CILP: variants seen among roughly 807,000 people sequenced by gnomAD.
The protein encoded by CILP is cartilage intermediate layer protein.
In CILP, 75 loss-of-function variants were observed where a neutral mutation model predicts 82.5. The observed-to-expected ratio is 0.91, with a 90% CI of 0.75 to 1.10. The LOEUF is 1.10. CILP is among the 50% of genes least tolerant of loss of function. The pLI is 0.00. For missense variants in CILP, 1,479 were observed against 1,530.8 expected, an observed-to-expected ratio of 0.97 and a Z score of 0.56; for synonymous variants, 530 against 580.3, an observed-to-expected ratio of 0.91 and a Z score of 1.25.
rs2859655 is a variant in CILP, at chr15:65,204,594, G to T, written c.605-12C>A. 3.2e-6 allele frequency: 5 copies of T among 1,583,698 alleles called. No individual in the cohort carries two copies. In the African/African-American group the frequency reaches 5.5e-5, roughly 17 times the overall value. ...GGTCAGGTCACAGGCTGTGGAACAA[G>T]GGGCCATATCAGCAGGGATTCTATG... On this transcript the variant is annotated splice_polypyrimidine_tract_variant and intron_variant, in intron 5 of 8. Transcript: ENST00000261883.
chr15:65,207,097 C>A (rs1156917098), intron 3 of CILP, 46 bp from the exon 4 acceptor site: 1 of 1,577,196 alleles, frequency 6.3e-7, no homozygotes, highest in South Asian at 1.2e-5. Flanking sequence ...TCCTGGTGCG[C>A]TCCAGTTCTC....
Position 65,201,929 on chromosome 15 carries a change from T to C in CILP, c.1129A>G (p.Lys377Glu). The part of the protein sequence containing the change: ...QQHQAGEYFC[K>E]AQSDAGAVKS... Reference sequence around the variant, plus strand: ...ACAGCCCCAGCATCACTCTGGGCCTTGCAAAAGTACTCCCCAGCCTGGTGC... The same window carrying C: ...ACAGCCCCAGCATCACTCTGGGCCTCGCAAAAGTACTCCCCAGCCTGGTGC... The change falls in exon 8 of 9, where the codon AAG (lysine) becomes GAG (glutamate). Residue 377 changes from lysine (K) to glutamate (E), a missense_variant. Lys to Glu is a moderately conservative substitution (Grantham distance 56). Coordinates refer to ENST00000261883, the MANE Select transcript of CILP (RefSeq NM_003613.4). 1 of 1,609,528 alleles carries C rather than the reference T, an allele frequency of 6.2e-7. No individual in the cohort carries two copies. Among genetic ancestry groups the C allele is most frequent in the Non-Finnish European group, 8.5e-7 (1 of 1,178,268 alleles).
chr15:65,209,826 A>G lies in CILP; in HGVS notation c.-71T>C. 1 of 1,389,130 alleles carries G rather than the reference A, an allele frequency of 7.2e-7. No individual in the cohort carries two copies. Among genetic ancestry groups the G allele is most frequent in the Non-Finnish European group, 1.0e-6 (1 of 978,272 alleles). The allele number at this position is 1,389,130 out of a possible 1,614,324, so 86.1% of individuals were successfully genotyped here. ...GCTTCACAGAGTCACTGACTCTGGA[A>G]TGCGGTCCCCTGGGAAGTTTCTCAG... On this transcript the variant is annotated 5_prime_UTR_variant, in exon 2 of 9. Transcript: ENST00000261883.
At position 65,204,308 on chromosome 15, in the gene CILP, G is replaced by A; in HGVS notation, c.879C>T (p.Ser293=). 6.2e-7 allele frequency: 1 copy of A among 1,614,082 alleles called. No homozygotes were observed. Residue 293 remains serine, a synonymous_variant, in exon 6 of 9, where the codon AGC becomes AGT. Transcript: ENST00000261883. ...CTGCCTTGATGGTGGCTGCCTTCAG[G>A]CTAGTCTTGGGCATTGTGAGTACAA... is the stretch of plus-strand genomic sequence containing the variant. ...APIVLTMPKT[S]LKAATIKAEF...
chr15:65,199,502 C>A (rs2140673564), intron 8 of CILP, among the ~76,000 whole-genome samples: 1 of 152,312 alleles, frequency 6.6e-6, no homozygotes, highest in South Asian at 2.1e-4. Context: ...ACCACTCATT[C>A]ATGTAGGTAG....
At position 65,204,327 on chromosome 15, in the gene CILP, A is replaced by G. The variant is rs1367217239; in HGVS notation, c.860T>C (p.Leu287Pro). ...ITKVKFAPIVLTMPKTSLKAA... is the reference protein window; with the variant it reads ...ITKVKFAPIVPTMPKTSLKAA... ...CTTCAGGCTAGTCTTGGGCATTGTG[A>G]GTACAATGGGGGCAAACTTGACCTT... The change falls in exon 6 of 9, where the codon CTC becomes CCC. Residue 287 changes from leucine (L) to proline (P), a missense_variant. By Grantham distance (98) the Leu-to-Pro change is moderately conservative. Coordinates refer to ENST00000261883, the MANE Select transcript of CILP (RefSeq NM_003613.4). 1 of 1,614,034 alleles carries G rather than the reference A, an allele frequency of 6.2e-7. No homozygotes were observed. The highest frequency in any genetic ancestry group is 2.2e-5 in the East Asian group (1 of 44,898).
At chr15:65,201,747 A>AT in intron 8 of CILP, 125 bp downstream of exon 8, 9 of 385,640 alleles carry the variant, frequency 2.3e-5, no homozygotes, top group East Asian at 5.6e-5. Flanking sequence ...AAAAAAAAAA[A>AT]AAAGAAAGAA....
chr15:65,204,251 C>A lies in CILP; in HGVS notation c.919+17G>T, dbSNP rs2088491586. The A allele has an allele frequency of 6.2e-7, 1 of 1,609,264 alleles. No homozygotes were observed. Among genetic ancestry groups the A allele is most frequent in the Admixed American group, 1.7e-5 (1 of 58,618 alleles). On this transcript the variant is annotated intron_variant, in intron 6 of 8. Coordinates refer to ENST00000261883, the MANE Select transcript of CILP (RefSeq NM_003613.4). ...TCTGGACCTTCTCACCAGCCCTACC[C>A]CAAAGAATTTAGTTACCTGCCCTCA... is the stretch of plus-strand genomic sequence containing the variant.
Position 65,206,959 on chromosome 15 carries a change from C to T in CILP, c.247G>A (p.Asp83Asn), listed in dbSNP as rs778069071. Reference protein sequence around the residue: ...RLDAIRFYYGDRVCARPLRLE... With the variant: ...RLDAIRFYYGNRVCARPLRLE... The stretch of plus-strand genomic sequence containing the variant: ...CGCAGGGGACGGGCACATACACGGT[C>T]CCCATAGTAGAAGCGAATGGCGTCC... Residue 83 changes from aspartate (D) to asparagine (N), a missense_variant, in exon 4 of 9, where the codon GAC becomes AAC. Transcript: ENST00000261883. 3.1e-6 allele frequency: 5 copies of T among 1,614,070 alleles called. No individual in the cohort carries two copies. Among genetic ancestry groups the T allele is most frequent in the South Asian group, 2.2e-5 (2 of 91,078 alleles).
In CILP at chr15:65,203,343, T is replaced by G. The variant is rs777195703; in HGVS notation, c.1028+19A>C. 1.9e-6 allele frequency: 3 copies of G among 1,562,192 alleles called. No homozygotes were observed. The highest frequency in any genetic ancestry group is 2.6e-6 in the Non-Finnish European group (3 of 1,133,244). ...TTTCCAGGAGGAGAATTGGGCAGGG[T>G]AGCTAGCAGAATACGCACCAAAAAT... On this transcript the variant is annotated intron_variant, in intron 7 of 8. Coordinates refer to ENST00000261883, the MANE Select transcript of CILP (RefSeq NM_003613.4).
chr15:65,198,285 C>G lies in CILP; in HGVS notation c.2001G>C (p.Glu667Asp). The G allele has an allele frequency of 6.2e-7, 1 of 1,614,218 alleles. No individual in the cohort carries two copies. The highest frequency in any genetic ancestry group is 1.1e-5 in the South Asian group (1 of 91,078). Residue 667 changes from glutamate (E) to aspartate (D), a missense_variant, in exon 9 of 9, where the codon GAG becomes GAC. Coordinates refer to ENST00000261883, the MANE Select transcript of CILP (RefSeq NM_003613.4). ...YGMFSVDFRD[E>D]VTSEPLNAGK... ...CAGCATTAAGTGGCTCTGAGGTGAC[C>G]TCATCTCTGAAGTCCACAGAGAACA...
chr15:65,198,747 C>T lies in CILP; in HGVS notation c.1539G>A (p.Gly513=), dbSNP rs772848670. 1.2e-6 allele frequency: 2 copies of T among 1,614,186 alleles called. No individual in the cohort carries two copies. Among genetic ancestry groups the T allele is most frequent in the South Asian group, 2.2e-5 (2 of 91,086 alleles). Residue 513 remains glycine (G), a synonymous_variant, in exon 9 of 9, where the codon GGG becomes GGA. Transcript: ENST00000261883. ...EPMRFGHVYM[G]NSRVSMTGYK... ...AGCCAGTCATGCTTACACGGCTGTT[C>T]CCCATGTACACATGGCCAAAGCGCA...
chr15:65,204,165 G>C, intron 6 of CILP, 103 bp downstream of exon 6: 2 of 1,022,714 alleles, frequency 2.0e-6, no homozygotes, highest in South Asian at 2.9e-5. Context: ...AAGGATTCGG[G>C]GTTTTACTCC....
At chr15:65,201,155 C>A (rs1052590069) in intron 8 of CILP, among the ~76,000 whole-genome samples, 1 of 152,122 alleles carries the variant, frequency 6.6e-6, no homozygotes, top group African/African-American at 2.4e-5. Flanking sequence ...GCGCACGCCA[C>A]CATGCCTGGC....
chr15:65,197,976 G>GATCT lies in CILP; in HGVS notation c.2306_2309dup (p.Gln771AspfsTer10). ...TAATCACGGAGATCACAACCCCCTG[G>GATCT]ATCTGCTCACTAGGCAAGAACCTCT... On this transcript the variant is annotated frameshift_variant, in exon 9 of 9. Coordinates refer to ENST00000261883, the MANE Select transcript of CILP (RefSeq NM_003613.4). LOFTEE classifies it high-confidence loss of function. The GATCT allele has an allele frequency of 1.9e-6, 3 of 1,614,126 alleles. No individual in the cohort carries two copies. The highest frequency in any genetic ancestry group is 2.5e-6 in the Non-Finnish European group (3 of 1,180,022).
In CILP at chr15:65,206,998, C is replaced by T. The variant is rs199811507; in HGVS notation, c.208G>A (p.Asp70Asn). The change falls in exon 4 of 9, where the codon GAC becomes AAC. Residue 70 changes from aspartate (D) to asparagine (N), a missense_variant. By Grantham distance (23) the Asp-to-Asn change is conservative. Transcript: ENST00000261883. ...CGAATGGCGTCCAGCCGCTCATAGT[C>T]GCCCTTCCCGCCTGGGTAGTCGATG... ...FNIDYPGGKG[D>N]YERLDAIRFY... is the part of the protein sequence containing the mutation. 62 of 1,613,892 alleles carry T rather than the reference C, an allele frequency of 3.8e-5. No homozygotes were observed. The highest frequency in any genetic ancestry group is 1.6e-4 in the Middle Eastern group (1 of 6,082).
Position 65,205,421 on chromosome 15 carries a change from G to A in CILP, c.470C>T (p.Pro157Leu). The A allele has an allele frequency of 6.2e-7, 1 of 1,613,940 alleles. No individual in the cohort carries two copies. Among genetic ancestry groups the A allele is most frequent in the Non-Finnish European group, 8.5e-7 (1 of 1,179,924 alleles). Residue 157 changes from proline (P) to leucine (L), a missense_variant, in exon 5 of 9, where the codon CCC becomes CTC. By Grantham distance (98) the Pro-to-Leu change is moderately conservative. Coordinates refer to ENST00000261883, the MANE Select transcript of CILP (RefSeq NM_003613.4). ...DTERIWSPWS[P>L]WSKCSAACGQ... ...ACAGGCAGCTGAGCACTTGCTCCAGGGAGACCATGGGCTCCAGATGCGCTC... is the reference window on the plus strand; with the variant it reads ...ACAGGCAGCTGAGCACTTGCTCCAGAGAGACCATGGGCTCCAGATGCGCTC...
chr15:65,198,704 G>A lies in CILP; in HGVS notation c.1582C>T (p.Leu528Phe). The A allele has an allele frequency of 6.2e-7, 1 of 1,614,254 alleles. No individual in the cohort carries two copies. Among genetic ancestry groups the A allele is most frequent in the East Asian group, 2.2e-5 (1 of 44,892 alleles). ...SMTGYKGTFT[L>F]HVPQDTERLV... ...CTCTCAGTGTCCTGGGGGACATGGAGGGTGAAAGTGCCCTTGTAGCCAGTC... is the reference window on the plus strand; with the variant it reads ...CTCTCAGTGTCCTGGGGGACATGGAAGGTGAAAGTGCCCTTGTAGCCAGTC... The change falls in exon 9 of 9, where the codon CTC becomes TTC. Residue 528 changes from leucine to phenylalanine, a missense_variant. Physicochemically the swap from Leu to Phe is conservative, Grantham distance 22. Coordinates refer to ENST00000261883, the MANE Select transcript of CILP (RefSeq NM_003613.4).
chr15:65,199,508 G>A (rs1028028856), intron 8 of CILP, among the ~76,000 whole-genome samples: 2 of 152,166 alleles, frequency 1.3e-5, no homozygotes, highest in African/African-American at 4.8e-5. Flanking sequence ...CATTCATGTA[G>A]GTAGAAAACC....
Sources: allele counts gnomAD v4.1 joint callset (sites outside exome capture counted in the v4.1 genomes callset), GRCh38; gene constraint gnomAD v4.1.1; transcripts MANE v1.5; gene names NCBI Gene and HGNC (gene_info 2026-07-23, HGNC 2026-07-21).